The following ST6GALNAC3 variants were observed in gnomAD, a reference collection of about 807,000 sequenced individuals.
The protein encoded by ST6GALNAC3 is alpha-N-acetylgalactosaminide alpha-2,6-sialyltransferase 3.
In ST6GALNAC3, 25 loss-of-function variants were observed where a neutral mutation model predicts 32.7. That is an observed-to-expected ratio of 0.76 (90% confidence interval 0.56 to 1.07). The LOEUF (loss-of-function observed/expected upper bound fraction) is 1.07, where lower values mean the gene tolerates loss of function less well. Ranked by LOEUF, ST6GALNAC3 falls within the 50% of genes least tolerant of loss-of-function variation. ST6GALNAC3 has a pLI of 0.00. For synonymous variants in ST6GALNAC3, 129 were observed against 133.1 expected, an observed-to-expected ratio of 0.97 and a Z score of 0.21; for missense variants, 355 against 382.4, an observed-to-expected ratio of 0.93 and a Z score of 0.60.
chr1:76,101,919 G>A (rs1335971364), intron 1 of ST6GALNAC3, among the ~76,000 whole-genome samples: 6 of 152,034 alleles, frequency 3.9e-5, no homozygotes, highest in Non-Finnish European at 4.4e-5. Context: ...ATTTTTATAC[G>A]TGTTTGCTAT....
At chr1:76,348,467 A>G (rs1648703951) in intron 2 of ST6GALNAC3, among the ~76,000 whole-genome samples, 2 of 152,156 alleles carry the variant, frequency 1.3e-5, no homozygotes, top group Non-Finnish European at 2.9e-5. Flanking sequence ...ACTCTAATTT[A>G]AGGTTTTCCA....
chr1:76,292,407 T>C (rs1292324370), intron 1 of ST6GALNAC3, among the ~76,000 whole-genome samples: 1 of 152,234 alleles, frequency 6.6e-6, no homozygotes, highest in East Asian at 1.9e-4. Context: ...CGCAGAGCAG[T>C]GAGCAGGATG....
chr1:76,124,659 C>T (rs1387581110), intron 1 of ST6GALNAC3, among the ~76,000 whole-genome samples: 1 of 152,210 alleles, frequency 6.6e-6, no homozygotes, highest in East Asian at 1.9e-4. Flanking sequence ...TGTTAAAAAG[C>T]TCCCTAACTG....
intron 1 of ST6GALNAC3, among the ~76,000 whole-genome samples, chr1:76,170,650 T>A (rs960826485): frequency 5.9e-5 from 9 of 152,180 alleles, no homozygotes; most frequent in African/African-American, 2.2e-4. Context: ...TAGCTTTGTT[T>A]CTGTATCAGA....
At chr1:76,113,961 A>T (rs1298245505) in intron 1 of ST6GALNAC3, among the ~76,000 whole-genome samples, 3 of 146,860 alleles carry the variant, frequency 2.0e-5, no homozygotes, top group Non-Finnish European at 4.5e-5. Context: ...AGTAGCTGGG[A>T]TTACAGGCGC....
At chr1:76,180,774 C>A (rs1053203766) in intron 1 of ST6GALNAC3, among the ~76,000 whole-genome samples, 1 of 152,116 alleles carries the variant, frequency 6.6e-6, no homozygotes, top group Non-Finnish European at 1.5e-5. Context: ...GATCATCTTC[C>A]CATTCCATCT....
At chr1:76,474,762 G>A (rs1659243148) in intron 3 of ST6GALNAC3, among the ~76,000 whole-genome samples, 1 of 152,154 alleles carries the variant, frequency 6.6e-6, no homozygotes, top group African/African-American at 2.4e-5. Context: ...GTCAAGAGAA[G>A]GCGGAAGAGA....
chr1:76,152,184 A>G (rs547598031), intron 1 of ST6GALNAC3, among the ~76,000 whole-genome samples: 19 of 152,152 alleles, frequency 1.2e-4, no homozygotes, highest in Non-Finnish European at 2.1e-4. Flanking sequence ...ATATTTTTGA[A>G]GGTATTTATT....
At chr1:76,448,093 C>T (rs546617029) in intron 3 of ST6GALNAC3, among the ~76,000 whole-genome samples, 10 of 152,244 alleles carry the variant, frequency 6.6e-5, no homozygotes, top group African/African-American at 1.9e-4. Flanking sequence ...GGCTATACCC[C>T]GCAAAGTCAC....
rs1022596025 is a variant in ST6GALNAC3, at chr1:76,135,102, A to G, written c.18+60218A>G. Among the ~76,000 whole-genome samples the G allele has an allele frequency of 2.6e-5, 4 of 152,044 alleles. No individual in the cohort carries two copies. In the South Asian group the frequency reaches 6.2e-4, roughly 24 times the overall value. The stretch of plus-strand genomic sequence containing the variant: ...GGTTGCAGTGAGCCAAGATCGCACC[A>G]CTGAACTCTAGCCTGGGCAATAGAG... On this transcript the variant is annotated intron_variant, in intron 1 of 4. Coordinates refer to ENST00000328299, the MANE Select transcript of ST6GALNAC3 (RefSeq NM_152996.4).
chr1:76,188,816 AG>A (rs1388338037), intron 1 of ST6GALNAC3, among the ~76,000 whole-genome samples: 1 of 152,252 alleles, frequency 6.6e-6, no homozygotes, highest in Non-Finnish European at 1.5e-5. Context: ...GTAGAGGATG[AG>A]GAACCAGAAG....
intron 2 of ST6GALNAC3, among the ~76,000 whole-genome samples, chr1:76,329,914 T>C (rs1647156866): frequency 6.6e-6 from 1 of 152,058 alleles, no homozygotes; most frequent in Non-Finnish European, 1.5e-5. Flanking sequence ...GTTCAGGTGA[T>C]TCTCCTGCCT....
chr1:76,375,365 G>T (rs577489271), intron 2 of ST6GALNAC3, among the ~76,000 whole-genome samples: 1 of 152,170 alleles, frequency 6.6e-6, no homozygotes, highest in East Asian at 1.9e-4. Context: ...CTAGGTATTG[G>T]GAAAAAATTG....
intron 3 of ST6GALNAC3, among the ~76,000 whole-genome samples, chr1:76,513,076 A>G (rs1571475475): frequency 6.6e-6 from 1 of 151,948 alleles, no homozygotes; most frequent in Non-Finnish European, 1.5e-5. Flanking sequence ...CTCCCATTCT[A>G]TAGGTTGTCT....
rs139575216 is a variant in ST6GALNAC3, at chr1:76,534,703, C to G, written c.624-92749C>G. Among the ~76,000 whole-genome samples the G allele has an allele frequency of 2.9e-3, 440 of 152,298 alleles. 1 individual carries two copies. The highest frequency in any genetic ancestry group is 0.01 in the African/African-American group (421 of 41,562). ...AATAAATCATTGTTTATTCAGTGAACTGAATAGTGTAACTCCATGAAGGTA... is the reference window on the plus strand; with the variant it reads ...AATAAATCATTGTTTATTCAGTGAAGTGAATAGTGTAACTCCATGAAGGTA... On this transcript the variant is annotated intron_variant, in intron 3 of 4. Coordinates refer to ENST00000328299, the MANE Select transcript of ST6GALNAC3 (RefSeq NM_152996.4).
chr1:76,411,539 C>T (rs1343517179), intron 2 of ST6GALNAC3, among the ~76,000 whole-genome samples: 4 of 152,078 alleles, frequency 2.6e-5, no homozygotes, highest in Admixed American at 2.6e-4. Flanking sequence ...GCTTGCTGAA[C>T]TCTTCATATT....
chr1:76,411,564 A>G (rs1359401525), intron 2 of ST6GALNAC3, among the ~76,000 whole-genome samples: 2 of 152,118 alleles, frequency 1.3e-5, no homozygotes, highest in Admixed American at 1.3e-4. Flanking sequence ...TCAATTGCTC[A>G]TAACCATTCA....
At chr1:76,413,445 A>G (rs529309914) in intron 3 of ST6GALNAC3, among the ~76,000 whole-genome samples, 3 of 152,290 alleles carry the variant, frequency 2.0e-5, no homozygotes, top group East Asian at 1.9e-4. Context: ...TATGTATTTC[A>G]CTATTCAATA....
intron 3 of ST6GALNAC3, among the ~76,000 whole-genome samples, chr1:76,450,806 G>A (rs1284829316): frequency 6.6e-6 from 1 of 152,094 alleles, no homozygotes; most frequent in Admixed American, 6.6e-5. Flanking sequence ...TGTTGAATAG[G>A]GGGTCCTTTT....
Sources: allele counts gnomAD v4.1 joint callset (sites outside exome capture counted in the v4.1 genomes callset), GRCh38; gene constraint gnomAD v4.1.1; transcripts MANE v1.5; gene names NCBI Gene and HGNC (gene_info 2026-07-23, HGNC 2026-07-21).